Variants in ANK2 observed in about 807,000 individuals in gnomAD.
ANK2 encodes the protein ankyrin-2.
In ANK2, 83 loss-of-function variants were observed where a neutral mutation model predicts 360.5. That is an observed-to-expected ratio of 0.23 (90% CI 0.19 to 0.28). The LOEUF (loss-of-function observed/expected upper bound fraction) is 0.28. Among genes scored for constraint, ANK2 ranks in the 10% least tolerant of loss-of-function variants. ANK2 has a pLI of 1.00. For missense variants in ANK2, 4,201 were observed against 4,795.7 expected, an observed-to-expected ratio of 0.88 and a Z score of 3.66; for synonymous variants, 1,740 against 1,759.5, an observed-to-expected ratio of 0.99 and a Z score of 0.28.
chr4:113,241,603 G>A (rs996590707), intron 8 of ANK2, among the ~76,000 whole-genome samples: 1 of 152,176 alleles, frequency 6.6e-6, no homozygotes, highest in Non-Finnish European at 1.5e-5. Context: ...ACTTCCCAAA[G>A]TGCTGGAATT....
At chr4:113,045,262 A>C (rs185708299), upstream of ANK2, among the ~76,000 whole-genome samples, 1 of 152,222 alleles carries the variant, frequency 6.6e-6, no homozygotes, top group Non-Finnish European at 1.5e-5. Flanking sequence ...CCTATAAAAT[A>C]TGCTTAACAA....
At chr4:112,826,745 A>G in intron 1 of ANK2, 2 of 873,624 alleles carry the variant, frequency 2.3e-6, no homozygotes, top group South Asian at 3.2e-5. Flanking sequence ...AGTTTCTTCC[A>G]TCTTCTGTTC....
intron 2 of ANK2, among the ~76,000 whole-genome samples, chr4:112,982,760 A>T (rs1196858416): frequency 6.6e-6 from 1 of 151,782 alleles, no homozygotes; most frequent in Non-Finnish European, 1.5e-5. Context: ...AACTAGTCAA[A>T]GTCAAAATTA....
intron 4 of ANK2, among the ~76,000 whole-genome samples, chr4:113,202,891 G>C (rs979663044): frequency 6.6e-6 from 1 of 152,102 alleles, no homozygotes; most frequent in Non-Finnish European, 1.5e-5. Context: ...ATGAACAAAT[G>C]TTTATTTTTG....
At position 113,355,058 on chromosome 4, in the gene ANK2, A is replaced by G. The variant is rs1454662843; in HGVS notation, c.6440A>G (p.Asn2147Ser). The G allele has an allele frequency of 6.2e-7, 1 of 1,614,126 alleles. No individual in the cohort carries two copies. Among genetic ancestry groups the G allele is most frequent in the African/African-American group, 1.3e-5 (1 of 75,050 alleles). ...GTCATTAAGCAAGAGTTGGAAGACAATGACAAATACCAACAATTCCGCCTG... is the reference window on the plus strand; with the variant it reads ...GTCATTAAGCAAGAGTTGGAAGACAGTGACAAATACCAACAATTCCGCCTG... ...SEVIKQELED[N>S]DKYQQFRLSE... is the part of the protein sequence containing the mutation. Residue 2147 changes from asparagine to serine, a missense_variant, in exon 38 of 46, where the codon AAT becomes AGT. Asn to Ser is a conservative substitution (Grantham distance 46). Coordinates refer to ENST00000357077, the MANE Select transcript of ANK2 (RefSeq NM_001148.6).
intron 1 of ANK2, among the ~76,000 whole-genome samples, chr4:112,821,120 G>A (rs62316306): frequency 0.1 from 15,150 of 151,962 alleles, 950 homozygotes; most frequent in Non-Finnish European, 0.14. Flanking sequence ...TCTCCATGTT[G>A]GTCAGGCTGG....
chr4:112,911,826 A>G (rs1320920861), intron 2 of ANK2, among the ~76,000 whole-genome samples: 1 of 152,238 alleles, frequency 6.6e-6, no homozygotes, highest in East Asian at 1.9e-4. Context: ...TGAGTTAGCT[A>G]AAAATACATC....
chr4:113,075,027 C>A lies in ANK2; in HGVS notation c.84+25215C>A, dbSNP rs1360891651. 2.6e-5 allele frequency among the ~76,000 whole-genome samples: 4 copies of A among 152,192 alleles called. No individual in the cohort carries two copies. In the East Asian group the frequency reaches 7.7e-4, roughly 29 times the overall value. On this transcript the variant is annotated intron_variant, in intron 1 of 45. Transcript: ENST00000357077. ...GTCCTCAGATGAGCAGCATTGGCAT[C>A]ACCTGTAACTTGTTAGAAATGAAGC...
At chr4:113,107,404 AT>A (rs1487833057) in intron 1 of ANK2, among the ~76,000 whole-genome samples, 1 of 152,084 alleles carries the variant, frequency 6.6e-6, no homozygotes, top group Non-Finnish European at 1.5e-5. Context: ...TTTAGTAGAG[AT>A]GGGGTTTTGC....
chr4:113,184,881 C>A (rs2098485716), intron 2 of ANK2, among the ~76,000 whole-genome samples: 2 of 151,978 alleles, frequency 1.3e-5, no homozygotes, highest in South Asian at 4.2e-4. Context: ...CCAACAGGCC[C>A]CGGTGTGTGA....
At chr4:113,332,987 G>A in intron 28 of ANK2, 67 bp from the exon 29 acceptor site, 1 of 1,607,914 alleles carries the variant, frequency 6.2e-7, no homozygotes, top group South Asian at 1.1e-5. Flanking sequence ...TTGCAACAGA[G>A]TCGAGGTGCT....
chr4:112,716,140 GCC>G, the ANK2 span, among the ~76,000 whole-genome samples: 5 of 152,138 alleles, frequency 3.3e-5, no homozygotes, highest in African/African-American at 1.2e-4. Context: ...GGTTTGCACA[GCC>G]CCCCTAGTTC....
intron 1 of ANK2, among the ~76,000 whole-genome samples, chr4:113,081,754 C>T (rs1222002160): frequency 6.6e-6 from 1 of 151,686 alleles, no homozygotes; most frequent in African/African-American, 2.4e-5. Flanking sequence ...GTATGGTGAC[C>T]ACATATTTTA....
Position 113,174,492 on chromosome 4 carries a change from G to T in ANK2, c.161G>T (p.Gly54Val). 2 of 1,612,314 alleles carry T rather than the reference G, an allele frequency of 1.2e-6. No individual in the cohort carries two copies. The highest frequency in any genetic ancestry group is 1.1e-5 in the South Asian group (1 of 90,732). The change falls in exon 2 of 46, where the codon GGC (glycine) becomes GTC (valine). Residue 54 changes from glycine (G) to valine (V), a missense_variant. Physicochemically the swap from Gly to Val is moderately radical, Grantham distance 109. Transcript: ENST00000357077. ...LDKVVEYLKG[G>V]IDINTCNQNG... ...AAAGTTGTGGAATATCTGAAGGGGG[G>T]CATAGACATCAATACCTGCAATCAG...
At chr4:113,145,394 A>T (rs1427558407) in intron 1 of ANK2, among the ~76,000 whole-genome samples, 2 of 152,200 alleles carry the variant, frequency 1.3e-5, no homozygotes, top group Non-Finnish European at 2.9e-5. Flanking sequence ...TTGTGTGAAT[A>T]AGAGACAGAG....
intron 23 of ANK2, among the ~76,000 whole-genome samples, chr4:113,309,145 A>G (rs2078641851): frequency 6.6e-6 from 1 of 152,202 alleles, no homozygotes; most frequent in Non-Finnish European, 1.5e-5. Context: ...AGCATGATTT[A>G]TATACATCTA....
chr4:112,906,048 G>A (rs1158585729), intron 2 of ANK2, among the ~76,000 whole-genome samples: 1 of 152,108 alleles, frequency 6.6e-6, no homozygotes, highest in African/African-American at 2.4e-5. Flanking sequence ...AATACATTTT[G>A]CTTCATTTGA....
chr4:112,945,383 C>T (rs1021070767), intron 2 of ANK2, among the ~76,000 whole-genome samples: 2 of 152,130 alleles, frequency 1.3e-5, no homozygotes, highest in African/African-American at 4.8e-5. Context: ...TTTCTGACTA[C>T]CATTTAGTAT....
rs145227924 is a variant in ANK2 at position 112,942,701 on chromosome 4, T to C, written c.21+38187T>C. ...AATATGTGGCACATCTAGCATGCCT[T>C]ATGGTTGGGTTTGTGTGTGTACACA... On this transcript the variant is annotated intron_variant, in intron 2 of 30. Transcript: ENST00000503271. 2.3e-3 allele frequency among the ~76,000 whole-genome samples: 343 copies of C among 152,060 alleles called. 3 individuals carry two copies. Among genetic ancestry groups the C allele is most frequent in the Non-Finnish European group, 3.3e-3 (222 of 67,870 alleles).
Sources: allele counts gnomAD v4.1 joint callset (sites outside exome capture counted in the v4.1 genomes callset), GRCh38; gene constraint gnomAD v4.1.1; transcripts MANE v1.5; gene names NCBI Gene and HGNC (gene_info 2026-07-23, HGNC 2026-07-21).